The following GSE1 variants were observed in gnomAD, a reference collection of about 807,000 sequenced individuals.
GSE1 encodes the protein genetic suppressor element 1.
Under a neutral mutation model 112.6 loss-of-function variants are expected in GSE1, and 32 were observed. The observed-to-expected ratio is 0.28, with a 90% confidence interval of 0.21 to 0.38. GSE1 has a LOEUF of 0.38. GSE1 is among the 10% of genes least tolerant of loss of function. The pLI, the probability that GSE1 is intolerant of heterozygous loss-of-function variation, is 1.00. For synonymous variants in GSE1, 1,115 were observed against 735.6 expected, an observed-to-expected ratio of 1.52 and a Z score of -8.35; for missense variants, 2,348 against 1,699.2, an observed-to-expected ratio of 1.38 and a Z score of -6.71.
At chr16:85,199,052 C>T (rs1773270821) in intron 1 of GSE1, among the ~76,000 whole-genome samples, 1 of 152,026 alleles carries the variant, frequency 6.6e-6, no homozygotes, top group South Asian at 2.1e-4. Context: ...TCAAGTGATT[C>T]TGCTGCCTCA....
At chr16:85,375,280 C>T (rs1291432747) in intron 2 of GSE1, among the ~76,000 whole-genome samples, 5 of 152,114 alleles carry the variant, frequency 3.3e-5, no homozygotes, top group African/African-American at 2.4e-5. Flanking sequence ...GGTGCCTTTT[C>T]GGGCCACCCA....
At chr16:85,374,548 G>A (rs1345244154) in intron 2 of GSE1, among the ~76,000 whole-genome samples, 3 of 95,460 alleles carry the variant, frequency 3.1e-5, no homozygotes, top group Admixed American at 1.1e-4. Flanking sequence ...GTGTGTGCGC[G>A]CGCGCGTGCA....
At chr16:85,345,483 C>T (rs1380990006) in intron 1 of GSE1, among the ~76,000 whole-genome samples, 1 of 152,168 alleles carries the variant, frequency 6.6e-6, no homozygotes, top group Non-Finnish European at 1.5e-5. Context: ...TTCCTTGTTC[C>T]AGGAACACTC....
intron 1 of GSE1, among the ~76,000 whole-genome samples, chr16:85,224,099 G>A (rs2075439716): frequency 1.3e-5 from 2 of 151,774 alleles, no homozygotes; most frequent in South Asian, 2.1e-4. Flanking sequence ...CTGGGGGCAC[G>A]TGGCGCATCT....
Position 85,331,507 on chromosome 16 carries a change from ATGTATATATG to A in GSE1, c.2284-25938_2284-25929del, listed in dbSNP as rs1201841519. On this transcript the variant is annotated intron_variant, in intron 1 of 2. Transcript: ENST00000637419. The stretch of plus-strand genomic sequence containing the variant: ...TGTATATATGTGTATATGTGTATAT[ATGTATATATG>A]TGTATATATGTGTATATGTGTATAT... Among the ~76,000 whole-genome samples, 25 of 119,582 alleles carry A rather than the reference ATGTATATATG, an allele frequency of 2.1e-4. 1 individual carries two copies. The highest frequency in any genetic ancestry group is 2.8e-4 in the Non-Finnish European group (16 of 57,434). The allele number at this position is 119,582 out of a possible 152,430, so 78.5% of individuals were successfully genotyped here.
At chr16:85,187,308 A>G (rs1277935574) in intron 1 of GSE1, among the ~76,000 whole-genome samples, 3 of 152,150 alleles carry the variant, frequency 2.0e-5, no homozygotes, top group Admixed American at 6.5e-5. Flanking sequence ...GCAGCTCGGG[A>G]GCCTTGGCTG....
chr16:85,246,512 C>A (rs1188110097), intron 1 of GSE1, among the ~76,000 whole-genome samples: 1 of 108,812 alleles, frequency 9.2e-6, no homozygotes, highest in Non-Finnish European at 2.2e-5. Flanking sequence ...CCCCCCCCCC[C>A]CGACGCTGTC....
intron 1 of GSE1, among the ~76,000 whole-genome samples, chr16:85,218,640 G>T (rs533971553): frequency 6.6e-6 from 1 of 152,240 alleles, no homozygotes; most frequent in South Asian, 2.1e-4. Context: ...ATGGAAAATG[G>T]GAGTAAGAAC....
rs1170207173 is a variant in GSE1, at chr16:85,670,982, C to CCTGT, written c.3416-10_3416-7dup. 6.5e-7 allele frequency: 1 copy of CCTGT among 1,547,314 alleles called. No individual in the cohort carries two copies. The highest frequency in any genetic ancestry group is 8.9e-7 in the Non-Finnish European group (1 of 1,119,762). On this transcript the variant is annotated splice_polypyrimidine_tract_variant and intron_variant, in intron 14 of 15. Coordinates refer to ENST00000253458, the MANE Select transcript of GSE1 (RefSeq NM_014615.5). ...GCATACGGAAAATACATCACCATCT[C>CCTGT]CTGTCTTTTCAGAGCAAAATCTGGA... is the stretch of plus-strand genomic sequence containing the variant.
Position 85,663,455 on chromosome 16 carries a change from C to T in GSE1, c.2485C>T (p.Pro829Ser). ...RRMLRERSPS[P>S]PTIQSKRQTP... ...GATGCTGCGAGAGAGAAGCCCGTCGCCCCCAACAATTCAGAGCAAGCGGCA... is the reference window on the plus strand; with the variant it reads ...GATGCTGCGAGAGAGAAGCCCGTCGTCCCCAACAATTCAGAGCAAGCGGCA... The change falls in exon 11 of 16, where the codon CCC becomes TCC. Residue 829 changes from proline (P) to serine (S), a missense_variant. Coordinates refer to ENST00000253458, the MANE Select transcript of GSE1 (RefSeq NM_014615.5). 2.5e-6 allele frequency: 4 copies of T among 1,613,914 alleles called. No individual in the cohort carries two copies. The highest frequency in any genetic ancestry group is 3.4e-6 in the Non-Finnish European group (4 of 1,180,024).
intron 9 of GSE1, chr16:85,662,678 C>T (rs1436866933): frequency 2.2e-5 from 9 of 400,588 alleles, no homozygotes; most frequent in Non-Finnish European, 4.6e-6. Flanking sequence ...GTGGACACAG[C>T]CCCAGGCCTG....
rs1160839528 is a variant in GSE1 at position 85,177,340 on chromosome 16, G to A, written c.2283+5533G>A. ...CCTTTTATTGGCTGGGGAAGACCCC[G>A]CATACAGAATTCAGGGCCCTCTTCC... On this transcript the variant is annotated intron_variant, in intron 1 of 2. Transcript: ENST00000637419. 3.3e-5 allele frequency among the ~76,000 whole-genome samples: 5 copies of A among 152,224 alleles called. No individual in the cohort carries two copies. The East Asian group carries it at 7.7e-4, about 23-fold the overall frequency.
At chr16:85,587,141 G>C (rs1173330001) in intron 1 of GSE1, among the ~76,000 whole-genome samples, 1 of 151,234 alleles carries the variant, frequency 6.6e-6, no homozygotes. Flanking sequence ...GCTGGTCCCA[G>C]TGTGGGCGCT....
At chr16:85,423,956 C>A (rs1322742512) in intron 2 of GSE1, among the ~76,000 whole-genome samples, 1 of 149,018 alleles carries the variant, frequency 6.7e-6, no homozygotes, top group African/African-American at 2.4e-5. Context: ...TGACGTGAGG[C>A]CACTTCCTGG....
intron 2 of GSE1, among the ~76,000 whole-genome samples, chr16:85,418,895 A>T (rs750607397): frequency 2.0e-5 from 3 of 152,146 alleles, no homozygotes; most frequent in Admixed American, 6.5e-5. Flanking sequence ...GGAGAGAGAG[A>T]GAACCTTAGA....
chr16:85,309,620 G>A (rs1450172514), intron 1 of GSE1, among the ~76,000 whole-genome samples: 1 of 152,346 alleles, frequency 6.6e-6, no homozygotes, highest in African/African-American at 2.4e-5. Context: ...CCCCGGATCT[G>A]GCCGGGAGCA....
rs189554687 is a variant in GSE1 at position 85,526,406 on chromosome 16, G to C, written c.2465-107508G>C. Reference sequence around the variant, plus strand: ...GAGTGCGTGCCCCACTGTCTGCACAGGGTGAGAAGAACGGCCAGTCCCACG... The same window carrying C: ...GAGTGCGTGCCCCACTGTCTGCACACGGTGAGAAGAACGGCCAGTCCCACG... On this transcript the variant is annotated intron_variant, in intron 2 of 2. Coordinates refer to the GSE1 transcript ENST00000637419. Among the ~76,000 whole-genome samples, 332 of 152,380 alleles carry C rather than the reference G, an allele frequency of 2.2e-3. 2 individuals carry two copies. The highest frequency in any genetic ancestry group is 6.7e-3 in the African/African-American group (279 of 41,590).
chr16:85,555,710 T>C, upstream of GSE1: 1 of 935,090 alleles, frequency 1.1e-6, no homozygotes, highest in Non-Finnish European at 1.3e-6. Context: ...GTTCTGAACG[T>C]GAAACCCTGT....
intron 1 of GSE1, among the ~76,000 whole-genome samples, chr16:85,329,940 G>T (rs1339131548): frequency 6.6e-6 from 1 of 150,616 alleles, no homozygotes; most frequent in Non-Finnish European, 1.5e-5. Flanking sequence ...GCTGGTGGGG[G>T]GGCAGGGGTA....
Sources: allele counts gnomAD v4.1 joint callset (sites outside exome capture counted in the v4.1 genomes callset), GRCh38; gene constraint gnomAD v4.1.1; transcripts MANE v1.5; gene names NCBI Gene and HGNC (gene_info 2026-07-23, HGNC 2026-07-21).